SLC25A36: variants seen among roughly 807,000 people sequenced by gnomAD.
The protein encoded by SLC25A36 is epididymis secretory sperm binding protein.
A neutral mutation model predicts 35.3 loss-of-function variants in SLC25A36; 24 were observed. The ratio of observed to expected loss-of-function variants is 0.68; its 90% CI spans 0.49 to 0.96. The LOEUF (loss-of-function observed/expected upper bound fraction) is 0.96, where lower values mean the gene tolerates loss of function less well. Ranked by LOEUF, SLC25A36 falls within the 40% of genes least tolerant of loss-of-function variation. The probability of loss-of-function intolerance (pLI) is 0.00; values close to 1 mark genes in which losing one functional copy is unlikely to be tolerated. For missense variants in SLC25A36, 294 were observed against 381.1 expected, an observed-to-expected ratio of 0.77 and a Z score of 1.90; for synonymous variants, 141 against 132.2, an observed-to-expected ratio of 1.07 and a Z score of -0.46.
rs1934673323 is a variant in SLC25A36, at chr3:140,963,178, A to G, written c.336A>G (p.Val112=). 1 of 1,598,598 alleles carries G rather than the reference A, an allele frequency of 6.3e-7. No individual in the cohort carries two copies. The highest frequency in any genetic ancestry group is 8.5e-7 in the Non-Finnish European group (1 of 1,176,324). ...ACTGCAAGGAAAAGTTGAATGATGT[A>G]TTTGATCCTGATTCTACCCAAGTAC... ...YSNCKEKLND[V]FDPDSTQVHM... Residue 112 remains valine, a synonymous_variant, in exon 4 of 7, where the codon GTA becomes GTG. Coordinates refer to ENST00000324194, the MANE Select transcript of SLC25A36 (RefSeq NM_001104647.3).
At position 140,976,460 on chromosome 3, in the gene SLC25A36, G is replaced by A. The variant is rs549405801; in HGVS notation, c.*7G>A. The A allele has an allele frequency of 1.7e-5, 27 of 1,606,820 alleles. No homozygotes were observed. The highest frequency in any genetic ancestry group is 1.7e-4 in the South Asian group (15 of 89,766). ...TTACCTACTCAATGGATAGCAGCAC[G>A]AGGACTGCTGTACTGCAAAAAAAGA... On this transcript the variant is annotated 3_prime_UTR_variant, in exon 7 of 7. Transcript: ENST00000324194.
intron 3 of SLC25A36, among the ~76,000 whole-genome samples, chr3:140,962,874 CAG>C (rs1418915559): frequency 4.0e-5 from 6 of 150,956 alleles, no homozygotes; most frequent in African/African-American, 9.7e-5. Flanking sequence ...AAGTGGCTGT[CAG>C]AGTATTGGAA....
At chr3:140,976,134 A>G (rs1480921120) in intron 6 of SLC25A36, 126 bp from the exon 7 acceptor site, 2 of 627,006 alleles carry the variant, frequency 3.2e-6, no homozygotes, top group Non-Finnish European at 5.3e-6. Flanking sequence ...AATAAGCTAC[A>G]CATTAGAAGC....
chr3:140,976,364 G>A lies in SLC25A36; in HGVS notation c.847G>A (p.Gly283Ser). Reference sequence around the variant, plus strand: ...AGAAGGTTATGGGTCTCTTTATCGTGGTCTGACAACTCATCTAGTGAGACA... The same window carrying A: ...AGAAGGTTATGGGTCTCTTTATCGTAGTCTGACAACTCATCTAGTGAGACA... ...QEEGYGSLYR[G>S]LTTHLVRQIP... The change falls in exon 7 of 7, where the codon GGT (glycine) becomes AGT (serine). Residue 283 changes from glycine to serine, a missense_variant. Physicochemically the swap from Gly to Ser is moderately conservative, Grantham distance 56 (BLOSUM62 0). This residue lies in a region of SLC25A36 where 109 missense variants were observed against 179.7 expected (regional missense o/e 0.61). Coordinates refer to ENST00000324194, the MANE Select transcript of SLC25A36 (RefSeq NM_001104647.3). 1 of 1,613,642 alleles carries A rather than the reference G, an allele frequency of 6.2e-7. No homozygotes were observed. The highest frequency in any genetic ancestry group is 1.3e-5 in the African/African-American group (1 of 74,944).
Position 140,975,097 on chromosome 3 carries a change from C to CTTTCT in SLC25A36, c.742+1095_742+1096insCTTTT, listed in dbSNP as rs1935004624. ...GTACAGTTGATAAACAAGATACATT[C>CTTTCT]TTTTTTTTTTTTTTTTTTTTTTTTT... On this transcript the variant is annotated intron_variant, in intron 6 of 6. Coordinates refer to ENST00000324194, the MANE Select transcript of SLC25A36 (RefSeq NM_001104647.3). Among the ~76,000 whole-genome samples, 2 of 55,188 alleles carry CTTTCT rather than the reference C, an allele frequency of 3.6e-5. 1 individual carries two copies. The highest frequency in any genetic ancestry group is 7.1e-5 in the Non-Finnish European group (2 of 28,236). The allele number at this position is 55,188 out of a possible 152,430, so 36.2% of individuals were successfully genotyped here.
At position 140,966,272 on chromosome 3, in the gene SLC25A36, A is replaced by G. The variant is rs983212227; in HGVS notation, c.385+3045A>G. The G allele has an allele frequency of 3.2e-5, 7 of 215,876 alleles. No homozygotes were observed. The Middle Eastern group carries it at 2.8e-3, about 87-fold the overall frequency. 13.4% of individuals were successfully genotyped at this position (215,876 alleles called of 1,614,324 possible). ...ATATTTTATTTGTCCATGGCAGTTA[A>G]TTCAGCCAGATGGATGGTTGGACAG... On this transcript the variant is annotated intron_variant, in intron 4 of 6. Transcript: ENST00000324194.
chr3:140,941,968 C>A lies in SLC25A36; in HGVS notation c.-87C>A. Reference sequence around the variant, plus strand: ...TCGCCGTCCCCGGGGCGCTGTGCGTCTCCAGTCCGGGACCGAAGCCGCCTG... The same window carrying A: ...TCGCCGTCCCCGGGGCGCTGTGCGTATCCAGTCCGGGACCGAAGCCGCCTG... On this transcript the variant is annotated 5_prime_UTR_variant, in exon 1 of 7. Coordinates refer to ENST00000324194, the MANE Select transcript of SLC25A36 (RefSeq NM_001104647.3). The A allele has an allele frequency of 1.4e-6, 1 of 737,680 alleles. No homozygotes were observed. 45.7% of individuals were successfully genotyped at this position (737,680 alleles called of 1,614,324 possible).
At chr3:140,968,326 G>A (rs746401092) in intron 4 of SLC25A36, 20 of 777,680 alleles carry the variant, frequency 2.6e-5, no homozygotes, top group Middle Eastern at 6.4e-4. Context: ...TAACCCAATG[G>A]TTTGCTGGCA....
intron 3 of SLC25A36, among the ~76,000 whole-genome samples, chr3:140,960,661 A>T (rs1934604234): frequency 6.6e-6 from 1 of 152,228 alleles, no homozygotes; most frequent in South Asian, 2.1e-4. Context: ...AAGAGGTGTC[A>T]AGGTGATAAG....
At chr3:140,966,898 G>A in intron 4 of SLC25A36, 2 of 456,110 alleles carry the variant, frequency 4.4e-6, no homozygotes, top group Non-Finnish European at 8.8e-6. Context: ...GTCACTGCTT[G>A]TTGTTATGAT....
At chr3:140,960,490 A>G (rs1310152510) in intron 3 of SLC25A36, among the ~76,000 whole-genome samples, 1 of 152,206 alleles carries the variant, frequency 6.6e-6, no homozygotes, top group Non-Finnish European at 1.5e-5. Flanking sequence ...CAAGATAGAA[A>G]ATAGAACCAA....
intron 1 of SLC25A36, among the ~76,000 whole-genome samples, chr3:140,946,916 G>A (rs950472063): frequency 1.3e-5 from 2 of 152,180 alleles, no homozygotes; most frequent in African/African-American, 2.4e-5. Flanking sequence ...GTGGTGCCAT[G>A]AGCCTAGTTG....
rs929896639 is a variant in SLC25A36, at chr3:140,977,466, T to C, written c.*1013T>C. On this transcript the variant is annotated 3_prime_UTR_variant, in exon 7 of 7. Coordinates refer to ENST00000324194, the MANE Select transcript of SLC25A36 (RefSeq NM_001104647.3). ...AATATTTGGGACAGTATAAATATTA[T>C]AGACAAGGGCCCCCTTGCTGTCTGC... The C allele has an allele frequency of 1.1e-4, 16 of 151,936 alleles. No homozygotes were observed. The highest frequency in any genetic ancestry group is 1.8e-4 in the Non-Finnish European group (12 of 67,990). 9.4% of individuals were successfully genotyped at this position (151,936 alleles called of 1,614,324 possible).
chr3:140,942,760 G>C (rs1250708318), intron 1 of SLC25A36: 1 of 152,232 alleles, frequency 6.6e-6, no homozygotes, highest in Non-Finnish European at 1.5e-5. Flanking sequence ...GGGATCGAGC[G>C]GGGAAGGCTT....
In SLC25A36 at chr3:140,976,645, A is replaced by AG; in HGVS notation, c.*192_*193insG. 1 of 403,564 alleles carries AG rather than the reference A, an allele frequency of 2.5e-6. No individual in the cohort carries two copies. The highest frequency in any genetic ancestry group is 4.3e-6 in the Non-Finnish European group (1 of 234,020). The allele number at this position is 403,564 out of a possible 1,614,324, so 25.0% of individuals were successfully genotyped here. On this transcript the variant is annotated 3_prime_UTR_variant, in exon 7 of 7. Transcript: ENST00000324194. ...GGCCTTTCGGTAATGTGAAAAAAAAAAAAAACCTCAGAGCCTCCAAGGAAA... is the reference window on the plus strand; with the variant it reads ...GGCCTTTCGGTAATGTGAAAAAAAAAGAAAAACCTCAGAGCCTCCAAGGAAA...
chr3:140,941,869 C>T lies in SLC25A36; in HGVS notation c.-186C>T, dbSNP rs1259122394. The T allele has an allele frequency of 1.4e-5, 7 of 499,820 alleles. No homozygotes were observed. Among genetic ancestry groups the T allele is most frequent in the African/African-American group, 1.0e-4 (5 of 48,782 alleles). The allele number at this position is 499,820 out of a possible 1,614,324, so 31.0% of individuals were successfully genotyped here. A position where few individuals can be genotyped will look rare whatever the true frequency, so the allele number is the denominator to read the frequency against. ...GTGAAGGGCGGCGCGCTTAGGCAGG[C>T]GGTGGCGCGGCTGGAGTGCCGCGGG... On this transcript the variant is annotated 5_prime_UTR_variant, in exon 1 of 7. Coordinates refer to ENST00000324194, the MANE Select transcript of SLC25A36 (RefSeq NM_001104647.3).
chr3:140,946,734 C>T (rs1934177059), intron 1 of SLC25A36, among the ~76,000 whole-genome samples: 1 of 152,122 alleles, frequency 6.6e-6, no homozygotes, highest in South Asian at 2.1e-4. Flanking sequence ...GGCAAGATTG[C>T]AGATGGAACA....
At chr3:140,959,388 A>G (rs1559813491) in intron 2 of SLC25A36, 75 bp from the exon 3 acceptor site, 3 of 818,762 alleles carry the variant, frequency 3.7e-6, no homozygotes, top group Middle Eastern at 6.8e-4. Flanking sequence ...TTTAGACTCT[A>G]ACTTTATATA....
rs989333970 is a variant in SLC25A36 at position 140,978,474 on chromosome 3, G to C, written c.*2021G>C. The C allele has an allele frequency of 1.3e-5, 2 of 152,114 alleles. No homozygotes were observed. The highest frequency in any genetic ancestry group is 4.8e-5 in the African/African-American group (2 of 41,422). The allele number at this position is 152,114 out of a possible 1,614,324, so 9.4% of individuals were successfully genotyped here. On this transcript the variant is annotated 3_prime_UTR_variant, in exon 7 of 7. Coordinates refer to ENST00000324194, the MANE Select transcript of SLC25A36 (RefSeq NM_001104647.3). ...GAATGTAAGATAGAGACTCTCCCTA[G>C]TCTTACTGATCTCAGTACCCCACAA... is the stretch of plus-strand genomic sequence containing the variant.
Sources: allele counts gnomAD v4.1 joint callset (sites outside exome capture counted in the v4.1 genomes callset), GRCh38; gene constraint gnomAD v4.1.1; regional missense constraint gnomAD v4.1.1; transcripts MANE v1.5; gene names NCBI Gene and HGNC (gene_info 2026-07-23, HGNC 2026-07-21).